ARMH3: variants seen among roughly 807,000 people sequenced by gnomAD.
The protein encoded by ARMH3 is armadillo like helical domain containing 3.
ARMH3 carries 60 observed loss-of-function variants against 99.1 expected under a neutral mutation model. The observed-to-expected ratio is 0.61, with a 90% CI of 0.49 to 0.75. ARMH3 has a LOEUF of 0.75. Ranked by LOEUF, ARMH3 falls within the 30% of genes least tolerant of loss-of-function variation. The probability of loss-of-function intolerance (pLI) is 0.00; values close to 1 mark genes in which losing one functional copy is unlikely to be tolerated. For missense variants in ARMH3, 679 were observed against 843.1 expected, an observed-to-expected ratio of 0.81 and a Z score of 2.41; for synonymous variants, 285 against 292.8, an observed-to-expected ratio of 0.97 and a Z score of 0.27.
intron 1 of ARMH3, among the ~76,000 whole-genome samples, chr10:102,046,629 G>T (rs2067560252): frequency 6.6e-6 from 1 of 152,192 alleles, no homozygotes; most frequent in Non-Finnish European, 1.5e-5. Context: ...TCCAGCCTGG[G>T]CAACGAATGA....
chr10:101,952,249 A>G (rs1031802472), intron 22 of ARMH3, among the ~76,000 whole-genome samples: 5 of 152,236 alleles, frequency 3.3e-5, no homozygotes, highest in African/African-American at 1.2e-4. Context: ...ATCATCAGTG[A>G]TAAGTCAGGG....
At chr10:101,932,351 T>C (rs1439333644) in intron 23 of ARMH3, among the ~76,000 whole-genome samples, 1 of 152,074 alleles carries the variant, frequency 6.6e-6, no homozygotes, top group African/African-American at 2.4e-5. Flanking sequence ...CCACTTTGAG[T>C]GACAGTTACT....
chr10:101,985,395 T>C (rs1448400486), intron 19 of ARMH3, among the ~76,000 whole-genome samples: 3 of 151,328 alleles, frequency 2.0e-5, no homozygotes, highest in Non-Finnish European at 4.4e-5. Flanking sequence ...TATACATACA[T>C]ACATGTGTAT....
intron 21 of ARMH3, among the ~76,000 whole-genome samples, chr10:101,957,208 T>A (rs1306453598): frequency 6.6e-6 from 1 of 152,212 alleles, no homozygotes; most frequent in Non-Finnish European, 1.5e-5. Context: ...TATAATATCC[T>A]AAGAAGATAG....
chr10:101,924,991 T>C (rs897088058), intron 23 of ARMH3, among the ~76,000 whole-genome samples: 3 of 151,910 alleles, frequency 2.0e-5, no homozygotes, highest in African/African-American at 7.3e-5. Flanking sequence ...AGACTCCGTC[T>C]CAAAAAACAA....
At chr10:101,975,104 ACCT>A in intron 20 of ARMH3, 105 bp downstream of exon 20, 1 of 513,370 alleles carries the variant, frequency 1.9e-6, no homozygotes, top group Non-Finnish European at 3.3e-6. Flanking sequence ...AATAAAGGCA[ACCT>A]AAACAAACCA....
intron 23 of ARMH3, among the ~76,000 whole-genome samples, chr10:101,893,870 T>C (rs1225734323): frequency 6.6e-6 from 1 of 152,194 alleles, no homozygotes; most frequent in Admixed American, 6.5e-5. Flanking sequence ...GGGTGACCTG[T>C]TCTTCATACT....
intron 24 of ARMH3, among the ~76,000 whole-genome samples, chr10:101,855,592 G>A (rs912017137): frequency 1.4e-4 from 21 of 150,692 alleles, no homozygotes; most frequent in Admixed American, 4.0e-4. Flanking sequence ...GTCACCCAGG[G>A]TGGGGTACAG....
intron 22 of ARMH3, among the ~76,000 whole-genome samples, chr10:101,951,805 T>C (rs1350003680): frequency 6.7e-6 from 1 of 149,204 alleles, no homozygotes; most frequent in African/African-American, 2.5e-5. Context: ...CAGGTGGAGG[T>C]TGCAGTGAGC....
At chr10:101,896,608 A>T (rs1359533275) in intron 23 of ARMH3, among the ~76,000 whole-genome samples, 1 of 152,244 alleles carries the variant, frequency 6.6e-6, no homozygotes, top group Non-Finnish European at 1.5e-5. Context: ...TGGCCCCAGC[A>T]GTTTTTGAGC....
At chr10:102,050,705 A>G (rs2067680572) in intron 1 of ARMH3, among the ~76,000 whole-genome samples, 1 of 151,324 alleles carries the variant, frequency 6.6e-6, no homozygotes, top group Non-Finnish European at 1.5e-5. Flanking sequence ...TAAATATACA[A>G]AAATTAGTCA....
At chr10:102,040,583 C>T (rs1376616943) in intron 1 of ARMH3, among the ~76,000 whole-genome samples, 1 of 152,160 alleles carries the variant, frequency 6.6e-6, no homozygotes, top group Non-Finnish European at 1.5e-5. Context: ...TCCAACACTC[C>T]CCTCCCTGAC....
At chr10:101,962,970 CTTTT>C (rs11358645) in intron 20 of ARMH3, among the ~76,000 whole-genome samples, 5 of 131,746 alleles carry the variant, frequency 3.8e-5, no homozygotes, top group Admixed American at 7.7e-5. Context: ...GTCTTTTTTT[CTTTT>C]TTTTTTTTTT....
intron 24 of ARMH3, among the ~76,000 whole-genome samples, chr10:101,871,018 A>G (rs1465328812): frequency 6.6e-6 from 1 of 152,206 alleles, no homozygotes; most frequent in Admixed American, 6.5e-5. Flanking sequence ...GCAGGAAAAA[A>G]AAGTCAATTA....
chr10:101,888,941 A>G (rs535440564), intron 24 of ARMH3, among the ~76,000 whole-genome samples: 45 of 152,308 alleles, frequency 3.0e-4, no homozygotes, highest in African/African-American at 9.6e-4. Context: ...AACCTCCTCA[A>G]AAATAATTGC....
At chr10:102,026,050 CAACG>C (rs2066994621) in intron 5 of ARMH3, among the ~76,000 whole-genome samples, 1 of 152,146 alleles carries the variant, frequency 6.6e-6, no homozygotes, top group Admixed American at 6.6e-5. Context: ...ATAAACTATC[CAACG>C]AAGCTAACTT....
At chr10:101,970,278 A>C (rs1564806236) in intron 20 of ARMH3, among the ~76,000 whole-genome samples, 1 of 152,218 alleles carries the variant, frequency 6.6e-6, no homozygotes, top group Admixed American at 6.5e-5. Flanking sequence ...AAACAAAAGA[A>C]ATTACTAACT....
intron 19 of ARMH3, among the ~76,000 whole-genome samples, chr10:101,987,129 T>G (rs563036801): frequency 6.6e-6 from 1 of 152,176 alleles, no homozygotes; most frequent in Non-Finnish European, 1.5e-5. Context: ...TCTTATCATA[T>G]CAGCCCCACC....
At chr10:101,935,399 A>G (rs899793852) in intron 23 of ARMH3, among the ~76,000 whole-genome samples, 2 of 152,136 alleles carry the variant, frequency 1.3e-5, no homozygotes, top group African/African-American at 4.8e-5. Flanking sequence ...CTAAGCCATG[A>G]AAGACAAGTG....
Sources: allele counts gnomAD v4.1 joint callset (sites outside exome capture counted in the v4.1 genomes callset), GRCh38; gene constraint gnomAD v4.1.1; transcripts MANE v1.5; gene names NCBI Gene and HGNC (gene_info 2026-07-23, HGNC 2026-07-21).